Variants in LINGO2 observed in about 807,000 individuals in gnomAD.
LINGO2 encodes the protein leucine-rich repeat and immunoglobulin-like domain-containing nogo receptor-interacting protein 2.
Under a neutral mutation model 30.6 loss-of-function variants are expected in LINGO2, and 14 were observed. That is an observed-to-expected ratio of 0.46 (90% CI 0.30 to 0.72). The LOEUF (loss-of-function observed/expected upper bound fraction) is 0.72. Ranked by LOEUF, LINGO2 falls within the 30% of genes least tolerant of loss-of-function variation. The pLI is 0.07. For synonymous variants in LINGO2, 317 were observed against 288.5 expected (o/e 1.10, Z -1.00); for missense variants, 729 against 751.7 (o/e 0.97, Z 0.35).
intron 4 of LINGO2, among the ~76,000 whole-genome samples, chr9:28,189,856 C>T (rs947660145): frequency 1.3e-5 from 2 of 151,830 alleles, no homozygotes; most frequent in Non-Finnish European, 2.9e-5. Context: ...TGCACATGTG[C>T]GTGTGCAAAC....
chr9:28,215,660 T>C (rs1820741034), intron 4 of LINGO2, among the ~76,000 whole-genome samples: 1 of 151,782 alleles, frequency 6.6e-6, no homozygotes, highest in African/African-American at 2.4e-5. Context: ...TCTTTGTGTG[T>C]GTGTGTGAAC....
chr9:28,535,818 A>C (rs1477812277), intron 1 of LINGO2, among the ~76,000 whole-genome samples: 1 of 152,212 alleles, frequency 6.6e-6, no homozygotes, highest in Admixed American at 6.5e-5. Flanking sequence ...AGGAGAAGAC[A>C]AATGCAGAAG....
At chr9:27,993,952 C>T (rs565708688) in intron 5 of LINGO2, among the ~76,000 whole-genome samples, 3 of 151,792 alleles carry the variant, frequency 2.0e-5, no homozygotes, top group South Asian at 2.1e-4. Flanking sequence ...AATCTTATTA[C>T]GTGTCTTCTC....
chr9:28,676,894 T>C, the LINGO2 span, among the ~76,000 whole-genome samples: 32 of 152,298 alleles, frequency 2.1e-4, no homozygotes, highest in Non-Finnish European at 4.4e-4. Flanking sequence ...TTTTCTTAAG[T>C]GGATGGCATA....
chr9:28,501,931 C>G (rs890383558), intron 1 of LINGO2, among the ~76,000 whole-genome samples: 6 of 151,184 alleles, frequency 4.0e-5, no homozygotes, highest in Non-Finnish European at 4.4e-5. Flanking sequence ...TAAAGTGAGG[C>G]ATTTGTTTTG....
At chr9:28,438,254 G>A (rs940538991) in intron 2 of LINGO2, among the ~76,000 whole-genome samples, 2 of 152,192 alleles carry the variant, frequency 1.3e-5, no homozygotes, top group African/African-American at 4.8e-5. Context: ...TTATTTCCAT[G>A]TGTGTCTGAG....
chr9:28,684,488 CTTTT>C, the LINGO2 span, among the ~76,000 whole-genome samples: 1 of 131,018 alleles, frequency 7.6e-6, no homozygotes, highest in South Asian at 2.5e-4. Flanking sequence ...CGCGCCCAGC[CTTTT>C]TTTTTTTTTT....
At position 28,632,140 on chromosome 9, in the gene LINGO2, G is replaced by A. The variant is rs541344754; in HGVS notation, c.-365+38060C>T. Among the ~76,000 whole-genome samples the A allele has an allele frequency of 7.9e-5, 12 of 152,176 alleles. 1 individual carries two copies. The highest frequency in any genetic ancestry group is 4.1e-4 in the South Asian group (2 of 4,822). ...GTCTTAATAGGAGTTAATCAAGTGG[G>A]GAAGAAGTAGAAGAGCAAACACGTT... On this transcript the variant is annotated intron_variant, in intron 1 of 5. Coordinates refer to ENST00000379992, the Ensembl canonical transcript of LINGO2.
chr9:28,024,429 C>A (rs1234757016), intron 4 of LINGO2, among the ~76,000 whole-genome samples: 4 of 152,106 alleles, frequency 2.6e-5, no homozygotes, highest in Admixed American at 6.6e-5. Flanking sequence ...ATGAAACAAT[C>A]CAGTGGCTCT....
At chr9:29,149,849 C>T in the LINGO2 span, among the ~76,000 whole-genome samples, 1 of 152,196 alleles carries the variant, frequency 6.6e-6, no homozygotes, top group Non-Finnish European at 1.5e-5. Context: ...GAGCTGGCCG[C>T]AGGGCCAACA....
chr9:28,498,285 T>C (rs1276506766), intron 1 of LINGO2, among the ~76,000 whole-genome samples: 1 of 152,196 alleles, frequency 6.6e-6, no homozygotes, highest in East Asian at 1.9e-4. Context: ...GCAGGCCTCC[T>C]TGAGCAGCGG....
the LINGO2 span, among the ~76,000 whole-genome samples, chr9:29,082,945 G>C: frequency 1.3e-5 from 2 of 152,132 alleles, no homozygotes; most frequent in Non-Finnish European, 2.9e-5. Context: ...AGGTGCTGGA[G>C]AGGATGTGGA....
intron 1 of LINGO2, among the ~76,000 whole-genome samples, chr9:28,663,832 C>T (rs1209879237): frequency 6.6e-6 from 1 of 151,944 alleles, no homozygotes; most frequent in Non-Finnish European, 1.5e-5. Context: ...TGAAAAAATG[C>T]ATAAGGATTA....
intron 1 of LINGO2, among the ~76,000 whole-genome samples, chr9:28,610,024 G>C (rs1825851486): frequency 6.6e-6 from 1 of 151,958 alleles, no homozygotes; most frequent in Non-Finnish European, 1.5e-5. Context: ...CCTTTAAATA[G>C]ATCTGGAAGG....
intron 1 of LINGO2, among the ~76,000 whole-genome samples, chr9:28,508,318 G>A (rs1256655743): frequency 6.6e-6 from 1 of 152,056 alleles, no homozygotes; most frequent in African/African-American, 2.4e-5. Context: ...TCATTTGGAT[G>A]TGCTATTCTA....
chr9:29,179,491 G>A, the LINGO2 span, among the ~76,000 whole-genome samples: 4 of 152,040 alleles, frequency 2.6e-5, no homozygotes, highest in South Asian at 4.1e-4. Context: ...TGCAACCTCC[G>A]TTTCCAGGGT....
chr9:29,024,897 T>C, the LINGO2 span, among the ~76,000 whole-genome samples: 1 of 152,136 alleles, frequency 6.6e-6, no homozygotes, highest in Non-Finnish European at 1.5e-5. Flanking sequence ...TAACACTTTA[T>C]TGCTGCCTTT....
intron 3 of LINGO2, among the ~76,000 whole-genome samples, chr9:28,353,767 T>C (rs2134459809): frequency 6.6e-6 from 1 of 152,158 alleles, no homozygotes; most frequent in South Asian, 2.1e-4. Flanking sequence ...TGTCCAACAA[T>C]GATAGACTGG....
chr9:28,524,419 T>C (rs986108342), intron 1 of LINGO2, among the ~76,000 whole-genome samples: 3 of 152,172 alleles, frequency 2.0e-5, no homozygotes, highest in Admixed American at 2.0e-4. Flanking sequence ...TCATCAAAAC[T>C]AAGCATTTTT....
Sources: allele counts gnomAD v4.1 joint callset (sites outside exome capture counted in the v4.1 genomes callset), GRCh38; gene constraint gnomAD v4.1.1; transcripts MANE v1.5; gene names NCBI Gene and HGNC (gene_info 2026-07-23, HGNC 2026-07-21).